DOCK1: variants seen among roughly 807,000 people sequenced by gnomAD.
The protein encoded by DOCK1 is dedicator of cytokinesis protein 1.
Under a neutral mutation model 262.7 loss-of-function variants are expected in DOCK1, and 138 were observed. That is an observed-to-expected ratio of 0.53 (90% CI 0.46 to 0.61). DOCK1 has a LOEUF of 0.61. Ranked by LOEUF, DOCK1 falls within the 20% of genes least tolerant of loss-of-function variation. DOCK1 has a pLI of 0.00. For synonymous variants in DOCK1, 866 were observed against 867.4 expected, an observed-to-expected ratio of 1.00 and a Z score of 0.03; for missense variants, 1,908 against 2,370.7, an observed-to-expected ratio of 0.80 and a Z score of 4.05.
chr10:127,089,591 G>A (rs2047398551), intron 23 of DOCK1, among the ~76,000 whole-genome samples: 1 of 152,188 alleles, frequency 6.6e-6, no homozygotes, highest in Admixed American at 6.5e-5. Context: ...CCCAGGAGAG[G>A]GGGCTGCCCC....
At chr10:126,925,151 T>A in intron 1 of DOCK1, among the ~76,000 whole-genome samples, 1 of 152,098 alleles carries the variant, frequency 6.6e-6, no homozygotes, top group Admixed American at 6.5e-5. Flanking sequence ...TGGTGTTGAG[T>A]CTTGTTTTCA....
At chr10:126,947,452 T>A (rs1591398204) in intron 1 of DOCK1, among the ~76,000 whole-genome samples, 1 of 145,566 alleles carries the variant, frequency 6.9e-6, no homozygotes, top group African/African-American at 2.6e-5. Flanking sequence ...GTGGTGGTGG[T>A]GGTGGTTGGT....
chr10:127,121,455 ATGTG>A (rs59477974), intron 25 of DOCK1, among the ~76,000 whole-genome samples: 4 of 148,258 alleles, frequency 2.7e-5, no homozygotes, highest in African/African-American at 9.9e-5. Flanking sequence ...GTATATGTAT[ATGTG>A]TGTGTGTGTG....
intron 27 of DOCK1, among the ~76,000 whole-genome samples, chr10:127,198,449 C>T (rs992202320): frequency 2.6e-5 from 4 of 152,192 alleles, no homozygotes; most frequent in African/African-American, 9.7e-5. Context: ...TTTCCGGGAC[C>T]AAGAGTGAAA....
At chr10:127,249,162 A>C (rs1401395172) in intron 28 of DOCK1, among the ~76,000 whole-genome samples, 1 of 152,112 alleles carries the variant, frequency 6.6e-6, no homozygotes, top group Non-Finnish European at 1.5e-5. Context: ...GTTGCACTTG[A>C]CATGTACCTT....
intron 27 of DOCK1, among the ~76,000 whole-genome samples, chr10:127,155,948 G>A (rs1245884667): frequency 6.6e-6 from 1 of 152,170 alleles, no homozygotes; most frequent in Admixed American, 6.5e-5. Context: ...CTATTGTGTT[G>A]TGCTAGTGGG....
rs146056230 is a variant in DOCK1 at position 127,446,079 on chromosome 10, G to A, written c.5414-1315G>A. Among the ~76,000 whole-genome samples, 3,120 of 152,162 alleles carry A rather than the reference G, an allele frequency of 0.021. 47 individuals are homozygous for A. The highest frequency in any genetic ancestry group is 0.048 in the African/African-American group (1,974 of 41,518). ...CAGCCAGTCAACATGGTAAAACCCC[G>A]TCTCTACTAAAAATACAATAATTAG... On this transcript the variant is annotated intron_variant, in intron 50 of 51. Coordinates refer to ENST00000623213, the MANE Select transcript of DOCK1 (RefSeq NM_001290223.2). This position sits in a 1 kb window ranked among gnomAD's most constrained non-coding sequence, Gnocchi z 4.4.
chr10:127,038,517 A>T (rs2043807931), intron 19 of DOCK1, among the ~76,000 whole-genome samples: 1 of 151,892 alleles, frequency 6.6e-6, no homozygotes, highest in Non-Finnish European at 1.5e-5. Flanking sequence ...TGTTGTCATG[A>T]TCCTTGTTAC....
At chr10:127,205,891 G>A (rs1370331117) in intron 27 of DOCK1, among the ~76,000 whole-genome samples, 1 of 152,152 alleles carries the variant, frequency 6.6e-6, no homozygotes, top group African/African-American at 2.4e-5. Flanking sequence ...ATACAGAGTA[G>A]AGTCAGTTAT....
At chr10:127,084,454 G>T (rs977608632) in intron 23 of DOCK1, among the ~76,000 whole-genome samples, 3 of 152,164 alleles carry the variant, frequency 2.0e-5, no homozygotes, top group African/African-American at 7.2e-5. Flanking sequence ...GTGTCTGAGC[G>T]CTTCTTTGGT....
At chr10:127,017,912 A>C (rs969857102) in intron 12 of DOCK1, among the ~76,000 whole-genome samples, 1 of 152,060 alleles carries the variant, frequency 6.6e-6, no homozygotes, top group African/African-American at 2.4e-5. Flanking sequence ...TTTGGTTGCT[A>C]CTCAGTATTT....
chr10:127,324,223 G>T (rs1244011611), intron 29 of DOCK1, among the ~76,000 whole-genome samples: 2 of 152,210 alleles, frequency 1.3e-5, no homozygotes, highest in African/African-American at 2.4e-5. Context: ...GCTGAGCAAA[G>T]ATCACCCGTC....
At chr10:127,196,261 G>A (rs1181549174) in intron 27 of DOCK1, 3 of 148,608 alleles carry the variant, frequency 2.0e-5, no homozygotes, top group Non-Finnish European at 3.0e-5. Flanking sequence ...GCGTCCCTCC[G>A]GCCCCGCTTA....
At chr10:127,297,609 C>A (rs965464276) in intron 29 of DOCK1, among the ~76,000 whole-genome samples, 6 of 152,158 alleles carry the variant, frequency 3.9e-5, no homozygotes, top group African/African-American at 9.7e-5. Flanking sequence ...GATTAATATT[C>A]CTCAGAAATA....
At chr10:127,028,879 G>A (rs2043054711) in intron 16 of DOCK1, among the ~76,000 whole-genome samples, 1 of 152,164 alleles carries the variant, frequency 6.6e-6, no homozygotes, top group African/African-American at 2.4e-5. Context: ...GGGCTGCAGT[G>A]TGCCCCAGAC....
At chr10:127,071,520 T>C (rs1010592676) in intron 23 of DOCK1, among the ~76,000 whole-genome samples, 57 of 152,262 alleles carry the variant, frequency 3.7e-4, no homozygotes, top group African/African-American at 1.3e-3. Context: ...CTATTGGTTT[T>C]CTTCCAATTC....
At chr10:127,059,524 A>T (rs948405450) in intron 22 of DOCK1, among the ~76,000 whole-genome samples, 1 of 151,844 alleles carries the variant, frequency 6.6e-6, no homozygotes. Context: ...TTTTCTGTGG[A>T]TTGTCTTCCA....
intron 28 of DOCK1, among the ~76,000 whole-genome samples, chr10:127,251,832 C>T (rs1328717973): frequency 6.9e-6 from 1 of 145,176 alleles, no homozygotes; most frequent in African/African-American, 2.5e-5. Context: ...AATAGTGCCA[C>T]AATAAACATA....
chr10:127,262,110 ATGTGGGTGTGTG>A (rs1343311848), intron 29 of DOCK1, among the ~76,000 whole-genome samples: 1 of 85,204 alleles, frequency 1.2e-5, no homozygotes, highest in Non-Finnish European at 2.3e-5. Flanking sequence ...CTCTGTGTGC[ATGTGGGTGTGTG>A]TGTGTGTACC....
Sources: gnomAD v4.1 joint callset for allele counts (sites outside exome capture counted in the v4.1 genomes callset) on GRCh38, gnomAD v4.1.1 for gene constraint, Gnocchi (gnomAD v3.1) non-coding constraint, MANE v1.5 for transcripts, NCBI Gene and HGNC (gene_info 2026-07-23, HGNC 2026-07-21) for gene names.